DSG2: variants seen among roughly 807,000 people sequenced by gnomAD.
DSG2 encodes desmoglein-2.
Under a neutral mutation model 75.6 loss-of-function variants are expected in DSG2, and 45 were observed. The observed-to-expected ratio is 0.60, with a 90% CI of 0.47 to 0.76. The LOEUF (loss-of-function observed/expected upper bound fraction) is 0.76. DSG2 is among the 30% of genes least tolerant of loss of function. The pLI is 0.00. For synonymous variants in DSG2, 429 were observed against 483.9 expected, an observed-to-expected ratio of 0.89 and a Z score of 1.49; for missense variants, 1,267 against 1,357.4, an observed-to-expected ratio of 0.93 and a Z score of 1.05.
chr18:31,504,578 C>G (rs1486062954), intron 1 of DSG2, among the ~76,000 whole-genome samples: 3 of 152,118 alleles, frequency 2.0e-5, no homozygotes, highest in Admixed American at 6.6e-5. Flanking sequence ...GGGGGGGACA[C>G]AGTACATATA....
intron 8 of DSG2, among the ~76,000 whole-genome samples, chr18:31,527,022 A>G (rs1286096764): frequency 6.6e-6 from 1 of 152,172 alleles, no homozygotes; most frequent in Non-Finnish European, 1.5e-5. Context: ...GTGTACAGTA[A>G]TGTCTTAGGC....
At chr18:31,525,996 T>C (rs1047635630) in intron 8 of DSG2, among the ~76,000 whole-genome samples, 1 of 151,968 alleles carries the variant, frequency 6.6e-6, no homozygotes, top group African/African-American at 2.4e-5. Flanking sequence ...ATACAAAAAT[T>C]AGCCAAGCGT....
intron 1 of DSG2, among the ~76,000 whole-genome samples, chr18:31,510,669 T>G (rs1472847305): frequency 6.6e-6 from 1 of 152,220 alleles, no homozygotes; most frequent in Non-Finnish European, 1.5e-5. Flanking sequence ...TAGAAAAATT[T>G]TTTACATGTT....
chr18:31,504,515 G>A (rs1396231980), intron 1 of DSG2, among the ~76,000 whole-genome samples: 1 of 152,068 alleles, frequency 6.6e-6, no homozygotes, highest in Non-Finnish European at 1.5e-5. Context: ...ACAGGAACCT[G>A]CAGTGCTTCT....
chr18:31,522,930 T>C (rs989512946), intron 6 of DSG2, among the ~76,000 whole-genome samples: 68 of 152,218 alleles, frequency 4.5e-4, no homozygotes, highest in Non-Finnish European at 8.8e-4. Context: ...CATTTCACTT[T>C]ATTATTTCTA....
At chr18:31,508,668 A>G (rs1454793089) in intron 1 of DSG2, among the ~76,000 whole-genome samples, 1 of 152,186 alleles carries the variant, frequency 6.6e-6, no homozygotes, top group Admixed American at 6.5e-5. Flanking sequence ...TGCTGGGATT[A>G]CAGGTGTGAG....
At chr18:31,532,850 A>G (rs62095225) in intron 9 of DSG2, among the ~76,000 whole-genome samples, 2,253 of 152,260 alleles carry the variant, frequency 0.015, 43 homozygotes, top group African/African-American at 0.044. Flanking sequence ...TACCAATAAT[A>G]TGTGGCCACT....
chr18:31,543,186 C>T (rs1482399218), intron 14 of DSG2: 1 of 203,558 alleles, frequency 4.9e-6, no homozygotes, highest in African/African-American at 2.3e-5. Flanking sequence ...CAGATTGTAC[C>T]TGGGAAGCTG....
intron 12 of DSG2, 96 bp downstream of exon 12, chr18:31,539,074 T>C (rs2144347229): frequency 1.6e-6 from 2 of 1,217,922 alleles, no homozygotes; most frequent in East Asian, 4.7e-5. Flanking sequence ...TTCACAGTTA[T>C]TCTTTAACCA....
At chr18:31,545,563 C>T (rs954969652) in intron 14 of DSG2, among the ~76,000 whole-genome samples, 158 bp from the exon 15 acceptor site, 6 of 152,006 alleles carry the variant, frequency 3.9e-5, no homozygotes, top group Non-Finnish European at 7.4e-5. Flanking sequence ...CCAGTTGTGT[C>T]GTAGGATCTC....
In DSG2 at chr18:31,541,286, A is replaced by C; in HGVS notation, c.1973A>C (p.Asn658Thr). 1.2e-6 allele frequency: 2 copies of C among 1,614,134 alleles called. No homozygotes were observed. The highest frequency in any genetic ancestry group is 1.7e-6 in the Non-Finnish European group (2 of 1,179,986). ...PGTIEMLHPW[N>T]NEGAPPEDKV... ...ACCATAGAGATGCTGCATCCTTGGA[A>C]TAATGAAGGAGCACCACCTGAAGAC... Residue 658 changes from asparagine (N) to threonine (T), a missense_variant, in exon 13 of 15, where the codon AAT becomes ACT. Asn to Thr is a moderately conservative substitution (Grantham distance 65). Coordinates refer to ENST00000261590, the MANE Select transcript of DSG2 (RefSeq NM_001943.5).
In DSG2 at chr18:31,520,985, T is replaced by C. The variant is rs369486196; in HGVS notation, c.378+21T>C. ...TTCTGGTAAGAAGAATAATTTTAGATTTATTAGTTTGTAGTTTTTCTGTCA... is the reference window on the plus strand; with the variant it reads ...TTCTGGTAAGAAGAATAATTTTAGACTTATTAGTTTGTAGTTTTTCTGTCA... On this transcript the variant is annotated intron_variant, in intron 4 of 14. Coordinates refer to ENST00000261590, the MANE Select transcript of DSG2 (RefSeq NM_001943.5). 3.9e-5 allele frequency: 63 copies of C among 1,611,758 alleles called. No individual in the cohort carries two copies. The African/African-American group carries it at 7.5e-4, about 19-fold the overall frequency.
intron 6 of DSG2, 43 bp from the exon 7 acceptor site, chr18:31,524,405 G>A: frequency 6.2e-7 from 1 of 1,613,926 alleles, no homozygotes; most frequent in Non-Finnish European, 8.5e-7. Context: ...AGATGTAAGA[G>A]TGACTCTTTT....
chr18:31,509,281 A>G (rs2073054590), intron 1 of DSG2, among the ~76,000 whole-genome samples: 2 of 152,344 alleles, frequency 1.3e-5, no homozygotes, highest in East Asian at 1.9e-4. Flanking sequence ...ACCTAAAATC[A>G]TATTTGTTAC....
At position 31,546,613 on chromosome 18, in the gene DSG2, T is replaced by C; in HGVS notation, c.3227T>C (p.Val1076Ala). Residue 1076 changes from valine (V) to alanine (A), a missense_variant, in exon 15 of 15, where the codon GTG (valine) becomes GCG (alanine). Val to Ala is a moderately conservative substitution (Grantham distance 64). Transcript: ENST00000261590. Reference protein sequence around the residue: ...ENSMTARNTTVSGAGVPGPLP... With the variant: ...ENSMTARNTTASGAGVPGPLP... ...TCTATGACGGCTAGGAACACCACGG[T>C]GTCTGGAGCTGGAGTCCCTGGCCCT... The C allele has an allele frequency of 1.2e-6, 2 of 1,614,170 alleles. No homozygotes were observed. Among genetic ancestry groups the C allele is most frequent in the Non-Finnish European group, 1.7e-6 (2 of 1,180,022 alleles).
At chr18:31,518,199 G>A in intron 1 of DSG2, 40 bp from the exon 2 acceptor site, 6 of 1,490,604 alleles carry the variant, frequency 4.0e-6, no homozygotes, top group Non-Finnish European at 5.6e-6. Flanking sequence ...ACTGAATTGA[G>A]CAGTAAATTG....
chr18:31,528,398 A>G (rs2073175020), intron 8 of DSG2, among the ~76,000 whole-genome samples: 1 of 152,162 alleles, frequency 6.6e-6, no homozygotes, highest in Non-Finnish European at 1.5e-5. Flanking sequence ...ACAAGCTACA[A>G]CACGGATGAA....
At position 31,524,939 on chromosome 18, in the gene DSG2, G is replaced by A. The variant is rs546095411; in HGVS notation, c.1014+51G>A. On this transcript the variant is annotated intron_variant, in intron 8 of 14. Coordinates refer to ENST00000261590, the MANE Select transcript of DSG2 (RefSeq NM_001943.5). ...CGTGGGCCAAGTTGGTGCTGGAAAG[G>A]AATCTAATATATTTTGAGCCCTGAA... 5.3e-5 allele frequency: 82 copies of A among 1,547,746 alleles called. No homozygotes were observed. In the African/African-American group the frequency reaches 9.2e-4, roughly 17 times the overall value.
intron 10 of DSG2, 70 bp from the exon 11 acceptor site, chr18:31,536,132 G>A: frequency 6.8e-7 from 1 of 1,479,140 alleles, no homozygotes. Context: ...AATTGGCAAG[G>A]GAATTCAAAC....
Sources: allele counts gnomAD v4.1 joint callset (sites outside exome capture counted in the v4.1 genomes callset), GRCh38; gene constraint gnomAD v4.1.1; transcripts MANE v1.5; gene names NCBI Gene and HGNC (gene_info 2026-07-23, HGNC 2026-07-21).